Variants in GSTCD observed in about 807,000 individuals in gnomAD.
GSTCD encodes the protein glutathione S-transferase C-terminal domain containing.
A neutral mutation model predicts 68.3 loss-of-function variants in GSTCD; 44 were observed. The ratio of observed to expected loss-of-function variants is 0.64; its 90% CI spans 0.51 to 0.83. The LOEUF is 0.83. GSTCD is among the 40% of genes least tolerant of loss of function. The pLI is 0.00. For synonymous variants in GSTCD, 273 were observed against 255.2 expected, an observed-to-expected ratio of 1.07 and a Z score of -0.67; for missense variants, 739 against 735.9, an observed-to-expected ratio of 1.00 and a Z score of -0.05.
At chr4:105,808,155 T>C (rs1318541047) in intron 5 of GSTCD, among the ~76,000 whole-genome samples, 1 of 152,062 alleles carries the variant, frequency 6.6e-6, no homozygotes, top group African/African-American at 2.4e-5. Context: ...TGATCATTTT[T>C]CTCTTGAAAT....
At chr4:105,788,519 T>C (rs1184327939) in intron 5 of GSTCD, among the ~76,000 whole-genome samples, 1 of 152,130 alleles carries the variant, frequency 6.6e-6, no homozygotes. Context: ...TTGTTCTTTT[T>C]TCCTCTTTTT....
intron 5 of GSTCD, among the ~76,000 whole-genome samples, chr4:105,800,279 A>G (rs1736057223): frequency 6.6e-6 from 1 of 152,136 alleles, no homozygotes; most frequent in African/African-American, 2.4e-5. Context: ...TTTTAAAACA[A>G]CCAGATCCCA....
At chr4:105,840,248 C>T (rs185755063) in intron 10 of GSTCD, 20 of 452,972 alleles carry the variant, frequency 4.4e-5, no homozygotes, top group African/African-American at 3.6e-4. Flanking sequence ...AATTTACAAA[C>T]ACCATGAGGA....
At chr4:105,821,662 A>G (rs1723298677) in intron 5 of GSTCD, among the ~76,000 whole-genome samples, 1 of 151,956 alleles carries the variant, frequency 6.6e-6, no homozygotes, top group Admixed American at 6.6e-5. Context: ...TATATAGTCA[A>G]TGGAATACTA....
intron 9 of GSTCD, among the ~76,000 whole-genome samples, chr4:105,837,288 C>A (rs1724161538): frequency 6.6e-6 from 1 of 152,126 alleles, no homozygotes; most frequent in Non-Finnish European, 1.5e-5. Flanking sequence ...GGCCACTATC[C>A]CCCTGCCCTA....
intron 4 of GSTCD, among the ~76,000 whole-genome samples, chr4:105,729,065 G>T (rs1351556302): frequency 6.6e-6 from 1 of 151,916 alleles, no homozygotes; most frequent in African/African-American, 2.4e-5. Context: ...TTTCTATGTG[G>T]ATTGTTTTTG....
chr4:105,813,631 A>G (rs576441910), intron 5 of GSTCD, among the ~76,000 whole-genome samples: 1 of 152,272 alleles, frequency 6.6e-6, no homozygotes, highest in South Asian at 2.1e-4. Flanking sequence ...CTCAACCAAC[A>G]TTCATGATGA....
chr4:105,726,800 A>C lies in GSTCD; in HGVS notation c.1116A>C (p.Gly372=). Residue 372 remains glycine, a synonymous_variant, in exon 4 of 12, where the codon GGA becomes GGC. Transcript: ENST00000515279. ...AGCAAAGCGATCCTTTATTTATAGG[A>C]GGACCAAGACCAACCATGGCCAAGT... ...VEEQSDPLFI[G]GPRPTMAKLM... The C allele has an allele frequency of 6.2e-7, 1 of 1,613,104 alleles. No individual in the cohort carries two copies. The highest frequency in any genetic ancestry group is 1.1e-5 in the South Asian group (1 of 90,888).
intron 5 of GSTCD, among the ~76,000 whole-genome samples, chr4:105,811,590 G>A (rs960776692): frequency 5.3e-5 from 8 of 150,408 alleles, no homozygotes; most frequent in Admixed American, 1.3e-4. Context: ...TAGATGACGA[G>A]TTAGTGGGTG....
intron 1 of GSTCD, among the ~76,000 whole-genome samples, chr4:105,711,889 C>A (rs1732550105): frequency 6.6e-6 from 1 of 152,186 alleles, no homozygotes; most frequent in African/African-American, 2.4e-5. Flanking sequence ...ATAAAAACTT[C>A]TGTGCTTGCT....
intron 5 of GSTCD, among the ~76,000 whole-genome samples, chr4:105,747,190 T>C (rs778150531): frequency 6.3e-4 from 96 of 152,254 alleles, no homozygotes; most frequent in Non-Finnish European, 1.1e-3. Flanking sequence ...AAACAAAGAA[T>C]GGTCTGATCC....
chr4:105,812,864 G>T (rs1037780536), intron 5 of GSTCD, among the ~76,000 whole-genome samples: 4 of 151,918 alleles, frequency 2.6e-5, no homozygotes, highest in African/African-American at 9.7e-5. Context: ...AAATACAGAG[G>T]GGAGGCAGCA....
In GSTCD at chr4:105,772,260, G is replaced by A. The variant is rs558369169; in HGVS notation, c.1240+42761G>A. The stretch of plus-strand genomic sequence containing the variant: ...GCTTATCAGCTTAAGGAGTTTTGGG[G>A]CTAAGACAATGGGGTTTTCTAAATA... On this transcript the variant is annotated intron_variant, in intron 5 of 11. Transcript: ENST00000515279. Among the ~76,000 whole-genome samples the A allele has an allele frequency of 2.0e-5, 3 of 152,266 alleles. No individual in the cohort carries two copies. In the South Asian group the frequency reaches 6.2e-4, roughly 32 times the overall value.
intron 5 of GSTCD, among the ~76,000 whole-genome samples, chr4:105,796,944 C>T (rs750142492): frequency 4.6e-5 from 7 of 152,000 alleles, no homozygotes; most frequent in Non-Finnish European, 1.0e-4. Context: ...AGTCACCAGG[C>T]TAACTCCATT....
chr4:105,712,233 T>C (rs1052271456), intron 1 of GSTCD, among the ~76,000 whole-genome samples: 22 of 152,198 alleles, frequency 1.4e-4, no homozygotes, highest in South Asian at 2.1e-4. Flanking sequence ...AGGGTGTGCT[T>C]TTTCAATTCA....
intron 5 of GSTCD, among the ~76,000 whole-genome samples, chr4:105,796,300 T>A (rs759645405): frequency 6.6e-6 from 1 of 152,146 alleles, no homozygotes; most frequent in Non-Finnish European, 1.5e-5. Flanking sequence ...CAGGAAAGAA[T>A]TGACCCCATG....
At chr4:105,837,001 G>A (rs1353512114) in intron 9 of GSTCD, among the ~76,000 whole-genome samples, 1 of 152,114 alleles carries the variant, frequency 6.6e-6, no homozygotes, top group East Asian at 1.9e-4. Flanking sequence ...AAGAGTGAAG[G>A]TTATAGCATT....
At chr4:105,724,789 GT>G (rs1418989825) in intron 3 of GSTCD, among the ~76,000 whole-genome samples, 1 of 151,936 alleles carries the variant, frequency 6.6e-6, no homozygotes, top group Non-Finnish European at 1.5e-5. Flanking sequence ...CATTATTTGT[GT>G]TGAGGAATTT....
chr4:105,723,653 C>A (rs781702602), intron 3 of GSTCD, among the ~76,000 whole-genome samples: 2 of 151,480 alleles, frequency 1.3e-5, no homozygotes, highest in Non-Finnish European at 3.0e-5. Context: ...TACTGAGGGA[C>A]AACTGTAATA....
Sources: allele counts gnomAD v4.1 joint callset (sites outside exome capture counted in the v4.1 genomes callset), GRCh38; gene constraint gnomAD v4.1.1; transcripts MANE v1.5; gene names NCBI Gene and HGNC (gene_info 2026-07-23, HGNC 2026-07-21).